Variants in NLGN1 observed in about 807,000 individuals in gnomAD.
NLGN1 encodes neuroligin 1.
NLGN1 carries 12 observed loss-of-function variants against 65.5 expected under a neutral mutation model. That is an observed-to-expected ratio of 0.18 (90% CI 0.12 to 0.30). NLGN1 has a LOEUF of 0.30. NLGN1 is among the 10% of genes least tolerant of loss of function. The pLI is 1.00. For synonymous variants in NLGN1, 350 were observed against 359.5 expected (o/e 0.97, Z 0.30); for missense variants, 750 against 1,007.1 (o/e 0.74, Z 3.46).
intron 3 of NLGN1, among the ~76,000 whole-genome samples, chr3:173,669,388 C>G (rs1211321967): frequency 2.0e-5 from 3 of 152,202 alleles, no homozygotes; most frequent in African/African-American, 7.2e-5. Flanking sequence ...GCCATGCTCC[C>G]TTTGAATGCA....
chr3:173,989,921 C>T lies in NLGN1; in HGVS notation c.646+182089C>T, dbSNP rs1397847045. Reference sequence around the variant, plus strand: ...ATTTTTGCACTCAAGCTCTTCCTTCCCAGTTTACTTCTCTGTGGGCATACC... The same window carrying T: ...ATTTTTGCACTCAAGCTCTTCCTTCTCAGTTTACTTCTCTGTGGGCATACC... On this transcript the variant is annotated intron_variant, in intron 4 of 6. Transcript: ENST00000457714. Among the ~76,000 whole-genome samples the T allele has an allele frequency of 2.0e-5, 3 of 152,062 alleles. No individual in the cohort carries two copies. In the East Asian group the frequency reaches 5.8e-4, roughly 29 times the overall value.
intron 2 of NLGN1, among the ~76,000 whole-genome samples, chr3:173,495,307 A>C (rs1445545432): frequency 6.6e-6 from 1 of 151,776 alleles, no homozygotes; most frequent in African/African-American, 2.4e-5. Flanking sequence ...GGTATATAAA[A>C]TATATACAAT....
At chr3:173,469,782 G>A (rs1301794416) in intron 2 of NLGN1, among the ~76,000 whole-genome samples, 4 of 151,754 alleles carry the variant, frequency 2.6e-5, no homozygotes, top group East Asian at 3.9e-4. Context: ...CCTGGTAGCC[G>A]CCAATCTACA....
chr3:174,131,447 A>G (rs896918694), intron 4 of NLGN1, among the ~76,000 whole-genome samples: 1 of 152,168 alleles, frequency 6.6e-6, no homozygotes, highest in Non-Finnish European at 1.5e-5. Context: ...CCCAGAGCTG[A>G]GTTCTGATTC....
chr3:173,895,255 G>A (rs1736138582), intron 4 of NLGN1, among the ~76,000 whole-genome samples: 1 of 152,016 alleles, frequency 6.6e-6, no homozygotes, highest in East Asian at 1.9e-4. Context: ...ATCCATCTGA[G>A]TACCACATCT....
intron 4 of NLGN1, among the ~76,000 whole-genome samples, chr3:173,895,418 C>T (rs941430159): frequency 1.3e-5 from 2 of 152,168 alleles, no homozygotes; most frequent in Admixed American, 6.5e-5. Flanking sequence ...CTTGGGGAAT[C>T]TTACTGTGAG....
intron 2 of NLGN1, among the ~76,000 whole-genome samples, chr3:173,549,911 TG>T (rs1232038742): frequency 6.6e-6 from 1 of 152,082 alleles, no homozygotes; most frequent in African/African-American, 2.4e-5. Flanking sequence ...GAACCATTAT[TG>T]GTGACATAAC....
intron 2 of NLGN1, among the ~76,000 whole-genome samples, chr3:173,460,364 G>A (rs1029554379): frequency 1.2e-4 from 19 of 152,202 alleles, no homozygotes; most frequent in Non-Finnish European, 5.9e-5. Flanking sequence ...CTTAGTTGAG[G>A]AGATCAGACA....
chr3:173,564,045 G>A (rs1743228114), intron 2 of NLGN1, among the ~76,000 whole-genome samples: 2 of 152,222 alleles, frequency 1.3e-5, no homozygotes, highest in Non-Finnish European at 2.9e-5. Context: ...ACCTGTCAGT[G>A]CCGTCTCTTG....
At chr3:173,660,149 G>A (rs1577800444) in intron 3 of NLGN1, among the ~76,000 whole-genome samples, 1 of 151,850 alleles carries the variant, frequency 6.6e-6, no homozygotes, top group East Asian at 1.9e-4. Context: ...ATGTTCCACT[G>A]TGTCAGCCCC....
intron 4 of NLGN1, among the ~76,000 whole-genome samples, chr3:173,954,376 G>C (rs976469024): frequency 6.6e-6 from 1 of 151,530 alleles, no homozygotes; most frequent in Non-Finnish European, 1.5e-5. Flanking sequence ...AGTGTAAAAG[G>C]TTATTATTAT....
At chr3:174,149,351 A>G (rs1325749490) in intron 4 of NLGN1, among the ~76,000 whole-genome samples, 1 of 152,138 alleles carries the variant, frequency 6.6e-6, no homozygotes, top group Non-Finnish European at 1.5e-5. Context: ...CCTCCATGGC[A>G]TTCCTTTGAA....
chr3:173,576,200 A>AT (rs1209889722), intron 2 of NLGN1, among the ~76,000 whole-genome samples: 1 of 152,034 alleles, frequency 6.6e-6, no homozygotes, highest in Non-Finnish European at 1.5e-5. Flanking sequence ...TTGATTCTTC[A>AT]TTTTTTAATG....
chr3:173,957,501 C>T lies in NLGN1; in HGVS notation c.646+149669C>T, dbSNP rs147607060. Among the ~76,000 whole-genome samples the T allele has an allele frequency of 3.2e-3, 485 of 152,274 alleles. 1 individual carries two copies. Among genetic ancestry groups the T allele is most frequent in the African/African-American group, 0.011 (456 of 41,556 alleles). On this transcript the variant is annotated intron_variant, in intron 4 of 6. Transcript: ENST00000457714. ...CTAGTTTTCCCCCAATATCCATTCTCCCCTTCTTGAAGAACCTGAGATTTT... is the reference window on the plus strand; with the variant it reads ...CTAGTTTTCCCCCAATATCCATTCTTCCCTTCTTGAAGAACCTGAGATTTT...
At chr3:173,828,806 CAG>C (rs1195484877) in intron 4 of NLGN1, among the ~76,000 whole-genome samples, 1 of 151,868 alleles carries the variant, frequency 6.6e-6, no homozygotes, top group Non-Finnish European at 1.5e-5. Flanking sequence ...AGAAATTAAA[CAG>C]AGATAGGAAC....
chr3:174,118,524 A>G (rs1717050791), intron 4 of NLGN1, among the ~76,000 whole-genome samples: 1 of 152,164 alleles, frequency 6.6e-6, no homozygotes, highest in Non-Finnish European at 1.5e-5. Flanking sequence ...ACATGTTGCA[A>G]TAAATGTTAA....
intron 1 of NLGN1, among the ~76,000 whole-genome samples, chr3:173,427,537 T>G (rs1716345833): frequency 1.3e-5 from 2 of 151,984 alleles, no homozygotes. Context: ...TCAAGGAATT[T>G]CAAAATTTTC....
intron 4 of NLGN1, among the ~76,000 whole-genome samples, chr3:174,273,995 G>GAGAT (rs1222069249): frequency 3.3e-5 from 5 of 151,694 alleles, no homozygotes; most frequent in South Asian, 2.1e-4. Flanking sequence ...ATTTTATAAA[G>GAGAT]AGATATATTT....
In NLGN1 at chr3:173,983,444, C is replaced by T. The variant is rs555060530; in HGVS notation, c.646+175612C>T. ...CACCCAAAGGATTAGTGCAGAATTT[C>T]CTTAAACATTTTCCATCCTGAATCA... is the stretch of plus-strand genomic sequence containing the variant. On this transcript the variant is annotated intron_variant, in intron 4 of 6. Coordinates refer to ENST00000457714, the Ensembl canonical transcript of NLGN1. 2.6e-5 allele frequency among the ~76,000 whole-genome samples: 4 copies of T among 152,288 alleles called. No individual in the cohort carries two copies. In the East Asian group the frequency reaches 7.7e-4, roughly 29 times the overall value.
Sources: gnomAD v4.1 joint callset for allele counts (sites outside exome capture counted in the v4.1 genomes callset) on GRCh38, gnomAD v4.1.1 for gene constraint, MANE v1.5 for transcripts, NCBI Gene and HGNC (gene_info 2026-07-23, HGNC 2026-07-21) for gene names.